GRM1: variants seen among roughly 807,000 people sequenced by gnomAD.
GRM1 encodes glutamate metabotropic receptor 1, also known as metabotropic glutamate receptor 1.
In GRM1, 33 loss-of-function variants were observed where a neutral mutation model predicts 90.9. The observed-to-expected ratio is 0.36, with a 90% CI of 0.28 to 0.49. The LOEUF is 0.49. Ranked by LOEUF, GRM1 falls within the 20% of genes least tolerant of loss-of-function variation. GRM1 has a pLI of 0.99. For missense variants in GRM1, 1,190 were observed against 1,534.3 expected (o/e 0.78, Z 3.75); for synonymous variants, 700 against 613.2 (o/e 1.14, Z -2.09).
intron 2 of GRM1, among the ~76,000 whole-genome samples, chr6:146,251,292 T>C (rs1012453099): frequency 3.3e-5 from 5 of 152,206 alleles, no homozygotes; most frequent in African/African-American, 1.2e-4. Context: ...TCTAATTTAA[T>C]TGGTGTAAGT....
intron 5 of GRM1, among the ~76,000 whole-genome samples, chr6:146,360,647 T>C (rs1046845310): frequency 6.6e-6 from 1 of 152,152 alleles, no homozygotes; most frequent in African/African-American, 2.4e-5. Context: ...CCCTGGTTTT[T>C]CTCTTCTGCC....
At position 146,353,641 on chromosome 6, in the gene GRM1, G is replaced by C. The variant is rs1043417227; in HGVS notation, c.1433+1145G>C. The stretch of plus-strand genomic sequence containing the variant: ...CAACGTGGCTGGCAATCTTCTTTTC[G>C]GTTTTTGAGAAAGAGTCTCACTCTG... On this transcript the variant is annotated intron_variant, in intron 4 of 7. Coordinates refer to ENST00000282753, the MANE Select transcript of GRM1 (RefSeq NM_001278064.2). Among the ~76,000 whole-genome samples, 7 of 152,144 alleles carry C rather than the reference G, an allele frequency of 4.6e-5. No individual in the cohort carries two copies. The East Asian group carries it at 1.2e-3, about 25-fold the overall frequency.
chr6:146,238,685 A>G (rs1459112660), intron 2 of GRM1, among the ~76,000 whole-genome samples: 4 of 151,958 alleles, frequency 2.6e-5, no homozygotes, highest in Admixed American at 1.3e-4. Flanking sequence ...CTTTTTCCCT[A>G]TGACTGCCAA....
rs1031073851 is a variant in GRM1, at chr6:146,436,360, G to A, written c.*1564G>A. 6 of 152,114 alleles carry A rather than the reference G, an allele frequency of 3.9e-5. No individual in the cohort carries two copies. Among genetic ancestry groups the A allele is most frequent in the Non-Finnish European group, 5.9e-5 (4 of 68,006 alleles). The allele number at this position is 152,114 out of a possible 1,614,324, so 9.4% of individuals were successfully genotyped here. On this transcript the variant is annotated 3_prime_UTR_variant, in exon 8 of 8. Transcript: ENST00000282753. Reference sequence around the variant, plus strand: ...TATATTAAAAGTGCACAAAAACTGAGAGTGAAAATAAAAGGTACATTTTAT... The same window carrying A: ...TATATTAAAAGTGCACAAAAACTGAAAGTGAAAATAAAAGGTACATTTTAT...
chr6:146,162,802 TGTG>T (rs574075025), intron 2 of GRM1, among the ~76,000 whole-genome samples: 303 of 144,750 alleles, frequency 2.1e-3, no homozygotes, highest in Non-Finnish European at 3.4e-3. Flanking sequence ...ATTGAAAAAA[TGTG>T]GTGGTAATGA....
At chr6:146,360,283 A>G (rs1312118020) in intron 5 of GRM1, among the ~76,000 whole-genome samples, 1 of 152,170 alleles carries the variant, frequency 6.6e-6, no homozygotes, top group African/African-American at 2.4e-5. Context: ...AAGTAGTCAA[A>G]AATCCAGTTT....
In GRM1 at chr6:146,082,465, G is replaced by A. The variant is rs117897002; in HGVS notation, c.700+52248G>A. ...GCCACCATGCCTGGCCTGTGGTTTC[G>A]TCTTTTTAAACATTTATCTTCTTTC... On this transcript the variant is annotated intron_variant, in intron 1 of 7. Coordinates refer to ENST00000282753, the MANE Select transcript of GRM1 (RefSeq NM_001278064.2). Among the ~76,000 whole-genome samples, 603 of 152,128 alleles carry A rather than the reference G, an allele frequency of 4.0e-3. 18 individuals are homozygous for A. The East Asian group carries it at 0.07, about 18-fold the overall frequency.
chr6:146,170,115 T>G (rs1778055063), intron 2 of GRM1, among the ~76,000 whole-genome samples: 4 of 152,148 alleles, frequency 2.6e-5, no homozygotes. Flanking sequence ...TGGCCTCTTT[T>G]GTTTTTCATA....
chr6:146,031,592 ATAT>A (rs1322138720), intron 1 of GRM1, among the ~76,000 whole-genome samples: 1 of 152,194 alleles, frequency 6.6e-6, no homozygotes, highest in Non-Finnish European at 1.5e-5. Flanking sequence ...ATCTGCTGTG[ATAT>A]TATAACTTTA....
At chr6:146,292,683 G>A (rs1783030208) in intron 2 of GRM1, among the ~76,000 whole-genome samples, 1 of 151,878 alleles carries the variant, frequency 6.6e-6, no homozygotes, top group Non-Finnish European at 1.5e-5. Context: ...GTAGAATAGT[G>A]CAGCTGCCAA....
chr6:146,075,258 C>T (rs1776145939), intron 1 of GRM1, among the ~76,000 whole-genome samples: 1 of 152,182 alleles, frequency 6.6e-6, no homozygotes, highest in African/African-American at 2.4e-5. Flanking sequence ...CAGTGTTACA[C>T]TCTAAAATAA....
chr6:146,369,722 T>C (rs1276005657), intron 5 of GRM1, among the ~76,000 whole-genome samples: 1 of 152,058 alleles, frequency 6.6e-6, no homozygotes, highest in African/African-American at 2.4e-5. Context: ...TTTTGGGGTC[T>C]TATTTTGTCA....
intron 2 of GRM1, among the ~76,000 whole-genome samples, chr6:146,282,663 G>A (rs1468798926): frequency 1.3e-5 from 2 of 151,936 alleles, no homozygotes; most frequent in African/African-American, 4.8e-5. Flanking sequence ...TGCCTGATGT[G>A]TAAAAAATAA....
At chr6:146,193,791 C>T (rs1442384455) in intron 2 of GRM1, among the ~76,000 whole-genome samples, 1 of 151,976 alleles carries the variant, frequency 6.6e-6, no homozygotes, top group Admixed American at 6.6e-5. Context: ...CTCCATTTCT[C>T]TGATGATGGA....
chr6:146,160,910 A>G (rs1455810273), intron 2 of GRM1, among the ~76,000 whole-genome samples: 1 of 152,242 alleles, frequency 6.6e-6, no homozygotes, highest in Non-Finnish European at 1.5e-5. Flanking sequence ...ACACTGGCAC[A>G]CAGAGTCAAC....
At chr6:146,245,676 A>G (rs980637170) in intron 2 of GRM1, among the ~76,000 whole-genome samples, 3 of 152,198 alleles carry the variant, frequency 2.0e-5, no homozygotes, top group Non-Finnish European at 4.4e-5. Context: ...CCTACACTTC[A>G]TAATTTCAAG....
At position 146,264,266 on chromosome 6, in the gene GRM1, A is replaced by G. The variant is rs538301498; in HGVS notation, c.951-40345A>G. 3.9e-5 allele frequency among the ~76,000 whole-genome samples: 6 copies of G among 152,198 alleles called. No individual in the cohort carries two copies. The East Asian group carries it at 1.2e-3, about 29-fold the overall frequency. On this transcript the variant is annotated intron_variant, in intron 2 of 7. Coordinates refer to ENST00000282753, the MANE Select transcript of GRM1 (RefSeq NM_001278064.2). Reference sequence around the variant, plus strand: ...CAAACGGTGTTTTCAGTGTTCTAAAATGAGTCATTAGATACTCCAATTTAG... The same window carrying G: ...CAAACGGTGTTTTCAGTGTTCTAAAGTGAGTCATTAGATACTCCAATTTAG...
At chr6:146,360,633 G>T (rs1562637925) in intron 5 of GRM1, among the ~76,000 whole-genome samples, 1 of 152,108 alleles carries the variant, frequency 6.6e-6, no homozygotes, top group African/African-American at 2.4e-5. Context: ...GGAGAGTGAG[G>T]GCACCCTGGT....
At chr6:146,320,897 G>C (rs1438269594) in intron 3 of GRM1, among the ~76,000 whole-genome samples, 1 of 150,830 alleles carries the variant, frequency 6.6e-6, no homozygotes, top group Non-Finnish European at 1.5e-5. Flanking sequence ...CTATCTATTT[G>C]GTTAATCTTT....
Sources: allele counts gnomAD v4.1 joint callset (sites outside exome capture counted in the v4.1 genomes callset), GRCh38; gene constraint gnomAD v4.1.1; transcripts MANE v1.5; gene names NCBI Gene and HGNC (gene_info 2026-07-23, HGNC 2026-07-21).